PCDHA12: variants seen among roughly 807,000 people sequenced by gnomAD.
The protein encoded by PCDHA12 is protocadherin alpha 12.
A neutral mutation model predicts 60.0 loss-of-function variants in PCDHA12; 44 were observed. That is an observed-to-expected ratio of 0.73 (90% CI 0.58 to 0.94). PCDHA12 has a LOEUF of 0.94. PCDHA12 is among the 40% of genes least tolerant of loss of function. PCDHA12 has a pLI of 0.00. For missense variants in PCDHA12, 1,276 were observed against 1,239.7 expected (o/e 1.03, Z -0.44); for synonymous variants, 569 against 553.0 (o/e 1.03, Z -0.40).
chr5:140,955,696 A>G (rs373393526), intron 1 of PCDHA12, among the ~76,000 whole-genome samples: 6 of 152,184 alleles, frequency 3.9e-5, no homozygotes, highest in East Asian at 1.9e-4. Flanking sequence ...GATGAATGTC[A>G]ATGGAAGTTT....
chr5:140,965,676 G>A (rs906070464), intron 1 of PCDHA12, among the ~76,000 whole-genome samples: 1 of 152,132 alleles, frequency 6.6e-6, no homozygotes, highest in African/African-American at 2.4e-5. Flanking sequence ...AAATGTAAAA[G>A]ATTTGAAGCA....
At chr5:140,882,262 G>GTGTA (rs781901698) in intron 1 of PCDHA12, 2 of 1,605,126 alleles carry the variant, frequency 1.2e-6, no homozygotes, top group Non-Finnish European at 1.7e-6. Context: ...GGTTTTTGGA[G>GTGTA]TGTACCATGC....
chr5:140,916,910 A>G (rs898370877), intron 1 of PCDHA12, among the ~76,000 whole-genome samples: 3 of 152,194 alleles, frequency 2.0e-5, no homozygotes, highest in African/African-American at 7.2e-5. Context: ...AAGTTTACCT[A>G]GAACCTCAGA....
chr5:140,928,698 G>A, intron 1 of PCDHA12: 1 of 1,614,148 alleles, frequency 6.2e-7, no homozygotes, highest in East Asian at 2.2e-5. Context: ...ACATCTCCCG[G>A]GCGTCTGACT....
At chr5:140,978,648 T>C (rs2096814311) in intron 1 of PCDHA12, among the ~76,000 whole-genome samples, 1 of 152,264 alleles carries the variant, frequency 6.6e-6, no homozygotes, top group African/African-American at 2.4e-5. Flanking sequence ...CAGACTGTTC[T>C]TCCCGTAGTG....
rs1554214039 is a variant in PCDHA12 at position 140,941,214 on chromosome 5, C to CTTTCTTTCTTTCTTTCTTTCTTTCTTT, written c.2368-37735_2368-37734insTTTCTTTCTTTCTTTCTTTCTTTCTTT. ...TTTTTTCTTTCTTCCTTTCTTTCTTCCTTTCTTTCTTTCTTTCTTTCTTTC... is the reference window on the plus strand; with the variant it reads ...TTTTTTCTTTCTTCCTTTCTTTCTTCTTTCTTTCTTTCTTTCTTTCTTTCTTTCTTTCTTTCTTTCTTTCTTTCTTTC... On this transcript the variant is annotated intron_variant, in intron 1 of 3. Coordinates refer to ENST00000398631, the MANE Select transcript of PCDHA12 (RefSeq NM_018903.4). Among the ~76,000 whole-genome samples the CTTTCTTTCTTTCTTTCTTTCTTTCTTT allele has an allele frequency of 4.7e-4, 57 of 122,484 alleles. 1 individual carries two copies. The highest frequency in any genetic ancestry group is 1.6e-3 in the East Asian group (7 of 4,322). The allele number at this position is 122,484 out of a possible 152,430, so 80.4% of individuals were successfully genotyped here.
rs2092672361 is a variant in PCDHA12, at chr5:140,940,726, G to A, written c.2368-38223G>A. On this transcript the variant is annotated intron_variant, in intron 1 of 3. Coordinates refer to ENST00000398631, the MANE Select transcript of PCDHA12 (RefSeq NM_018903.4). Reference sequence around the variant, plus strand: ...ATACCTGCTGTGTGCTGTTTCAGCTGGACAGCTCCATATTTTTATGTGTGC... The same window carrying A: ...ATACCTGCTGTGTGCTGTTTCAGCTAGACAGCTCCATATTTTTATGTGTGC... 3.9e-5 allele frequency among the ~76,000 whole-genome samples: 6 copies of A among 152,124 alleles called. No homozygotes were observed. The South Asian group carries it at 1.2e-3, about 31-fold the overall frequency.
intron 1 of PCDHA12, among the ~76,000 whole-genome samples, chr5:140,907,205 G>T (rs549918744): frequency 2.0e-5 from 3 of 152,196 alleles, no homozygotes; most frequent in East Asian, 3.9e-4. Context: ...GGAGAATTTT[G>T]CCCCAGCCCT....
chr5:140,970,814 C>T (rs1175939096), intron 1 of PCDHA12, among the ~76,000 whole-genome samples: 1 of 152,068 alleles, frequency 6.6e-6, no homozygotes, highest in Non-Finnish European at 1.5e-5. Flanking sequence ...ATTTCAAGTT[C>T]ATGGTAATCT....
chr5:140,966,862 G>C lies in PCDHA12; in HGVS notation c.2368-12087G>C, dbSNP rs782810195. On this transcript the variant is annotated intron_variant, in intron 1 of 3. Transcript: ENST00000398631. ...TGCTACTGCCTCTCCTGCTGCTGTTGCTGCTGCTGCTACCTGGCCCTGCGG... is the reference window on the plus strand; with the variant it reads ...TGCTACTGCCTCTCCTGCTGCTGTTCCTGCTGCTGCTACCTGGCCCTGCGG... The C allele has an allele frequency of 1.2e-5, 18 of 1,562,198 alleles. No individual in the cohort carries two copies. Among genetic ancestry groups the C allele is most frequent in the Non-Finnish European group, 1.5e-5 (18 of 1,164,444 alleles).
At chr5:140,928,489 C>A in intron 1 of PCDHA12, 1 of 1,614,152 alleles carries the variant, frequency 6.2e-7, no homozygotes. Context: ...TGGTGGCATT[C>A]CTCCCAGAAG....
At chr5:140,973,862 A>G (rs1438238778) in intron 1 of PCDHA12, among the ~76,000 whole-genome samples, 2 of 152,196 alleles carry the variant, frequency 1.3e-5, no homozygotes, top group Non-Finnish European at 2.9e-5. Flanking sequence ...TTTGCTCTCA[A>G]TGAGAGGTCA....
intron 1 of PCDHA12, among the ~76,000 whole-genome samples, chr5:140,939,008 T>C (rs1348323675): frequency 6.6e-6 from 1 of 152,234 alleles, no homozygotes; most frequent in Non-Finnish European, 1.5e-5. Context: ...TTAAGAAGTG[T>C]TACTTTTCTT....
chr5:140,968,614 A>G, intron 1 of PCDHA12: 5 of 1,614,142 alleles, frequency 3.1e-6, no homozygotes, highest in Non-Finnish European at 4.2e-6. Flanking sequence ...ACTCTGGGCA[A>G]AATGCTTGGC....
chr5:140,876,568 G>A lies in PCDHA12; in HGVS notation c.1096G>A (p.Gly366Ser), dbSNP rs1302204057. 6.2e-7 allele frequency: 1 copy of A among 1,614,046 alleles called. No individual in the cohort carries two copies. The highest frequency in any genetic ancestry group is 1.3e-5 in the African/African-American group (1 of 74,922). ...SLPVQEDAQV[G>S]TVIALISVSD... ...CCCTGTGCAAGAGGATGCTCAGGTG[G>A]GTACCGTCATTGCCCTGATTAGCGT... is the stretch of plus-strand genomic sequence containing the variant. Residue 366 changes from glycine (G) to serine (S), a missense_variant, in exon 1 of 4, where the codon GGT becomes AGT. Physicochemically the swap from Gly to Ser is moderately conservative, Grantham distance 56. Transcript: ENST00000398631.
chr5:140,988,551 ATCT>A (rs1472655983), intron 3 of PCDHA12, among the ~76,000 whole-genome samples: 4 of 152,158 alleles, frequency 2.6e-5, no homozygotes, highest in South Asian at 2.1e-4. Flanking sequence ...GACTTTCTTC[ATCT>A]TCTTCTTGGG....
At chr5:140,995,963 A>G (rs2097706042) in intron 3 of PCDHA12, among the ~76,000 whole-genome samples, 1 of 152,234 alleles carries the variant, frequency 6.6e-6, no homozygotes, top group Non-Finnish European at 1.5e-5. Context: ...AATGCTTAGA[A>G]CCATGCTTAG....
intron 3 of PCDHA12, among the ~76,000 whole-genome samples, chr5:140,993,609 T>C (rs1554253871): frequency 6.6e-6 from 1 of 152,078 alleles, no homozygotes; most frequent in African/African-American, 2.4e-5. Flanking sequence ...GAGAATTTTG[T>C]TGGGACCCTC....
At chr5:140,990,668 G>A (rs1554251661) in intron 3 of PCDHA12, among the ~76,000 whole-genome samples, 1 of 152,178 alleles carries the variant, frequency 6.6e-6, no homozygotes, top group African/African-American at 2.4e-5. Flanking sequence ...TACATTAGAT[G>A]CACACCAAGC....
Sources: allele counts gnomAD v4.1 joint callset (sites outside exome capture counted in the v4.1 genomes callset), GRCh38; gene constraint gnomAD v4.1.1; transcripts MANE v1.5; gene names NCBI Gene and HGNC (gene_info 2026-07-23, HGNC 2026-07-21).